Variants in LRRC37A2 observed in about 807,000 individuals in gnomAD.
The protein encoded by LRRC37A2 is leucine rich repeat containing 37 member A2.
LRRC37A2 carries 9 observed loss-of-function variants against 68.8 expected under a neutral mutation model. The observed-to-expected ratio is 0.13, with a 90% CI of 0.08 to 0.23. The LOEUF (loss-of-function observed/expected upper bound fraction) is 0.23, where lower values mean the gene tolerates loss of function less well. Ranked by LOEUF, LRRC37A2 falls within the 10% of genes least tolerant of loss-of-function variation. The pLI, the probability that LRRC37A2 is intolerant of heterozygous loss-of-function variation, is 1.00. For synonymous variants in LRRC37A2, 63 were observed against 367.6 expected (o/e 0.17, Z 9.48); for missense variants, 168 against 950.4 (o/e 0.18, Z 10.82).
At chr17:46,525,669 T>C (rs55947083) in intron 6 of LRRC37A2, among the ~76,000 whole-genome samples, 17,529 of 89,542 alleles carry the variant, frequency 0.2, 1,690 homozygotes, top group African/African-American at 0.29. Flanking sequence ...ACTACAATTA[T>C]GTAGGCAACA....
the LRRC37A2 span, among the ~76,000 whole-genome samples, chr17:46,999,943 G>A: frequency 1.3e-5 from 2 of 148,864 alleles, no homozygotes; most frequent in Non-Finnish European, 3.0e-5. Flanking sequence ...AGGTTGCAGT[G>A]GGCTGAGATC....
At chr17:46,728,794 G>A in the LRRC37A2 span, 3 of 1,056,292 alleles carry the variant, frequency 2.8e-6, no homozygotes, top group Non-Finnish European at 4.1e-6. Context: ...AACAAAAACT[G>A]AATGTTTGGA....
At chr17:46,906,961 T>C in the LRRC37A2 span, among the ~76,000 whole-genome samples, 1 of 152,156 alleles carries the variant, frequency 6.6e-6, no homozygotes, top group Non-Finnish European at 1.5e-5. Flanking sequence ...CATTTAGTCG[T>C]CACAAAAAAC....
the LRRC37A2 span, among the ~76,000 whole-genome samples, chr17:47,031,225 T>C: frequency 1.3e-5 from 2 of 148,904 alleles, no homozygotes; most frequent in East Asian, 4.1e-4. Flanking sequence ...TGGACTTAAC[T>C]GGATTCTGCT....
the LRRC37A2 span, among the ~76,000 whole-genome samples, chr17:46,944,624 T>C: frequency 5.0e-4 from 71 of 140,912 alleles, no homozygotes; most frequent in African/African-American, 1.7e-3. Context: ...TTTTTTTTTT[T>C]CCTCTCATTC....
chr17:46,994,719 C>T, the LRRC37A2 span, among the ~76,000 whole-genome samples: 1 of 152,018 alleles, frequency 6.6e-6, no homozygotes, highest in South Asian at 2.1e-4. Flanking sequence ...AAGCAGTTGT[C>T]GGCCTCTGAG....
the LRRC37A2 span, chr17:46,875,190 C>T: frequency 1.2e-5 from 19 of 1,614,106 alleles, no homozygotes; most frequent in South Asian, 2.2e-5. Context: ...GCGCATGGAG[C>T]GCTGCACCTG....
At chr17:46,704,763 G>A in the LRRC37A2 span, 195 of 1,605,496 alleles carry the variant, frequency 1.2e-4, no homozygotes, top group Non-Finnish European at 1.6e-4. Flanking sequence ...TCTTAGGCCA[G>A]TACTAAAGTG....
intron 6 of LRRC37A2, among the ~76,000 whole-genome samples, chr17:46,532,520 C>G (rs2053839728): frequency 6.8e-6 from 1 of 146,392 alleles, no homozygotes; most frequent in Admixed American, 6.7e-5. Flanking sequence ...TTGGTAGATT[C>G]ACCAGTGAGG....
chr17:46,969,377 G>A, the LRRC37A2 span, among the ~76,000 whole-genome samples: 1 of 152,190 alleles, frequency 6.6e-6, no homozygotes, highest in Non-Finnish European at 1.5e-5. Context: ...TGGGCCAGGT[G>A]GCAGAGTGGC....
the LRRC37A2 span, among the ~76,000 whole-genome samples, chr17:46,575,028 G>A: frequency 5.1e-5 from 4 of 78,750 alleles, no homozygotes; most frequent in East Asian, 4.7e-4. Flanking sequence ...CCCAGGAGGC[G>A]GAGGTTGTAG....
the LRRC37A2 span, among the ~76,000 whole-genome samples, chr17:46,491,677 T>TG: frequency 6.1e-4 from 87 of 142,754 alleles, no homozygotes; most frequent in African/African-American, 2.4e-3. Context: ...AGATATTTAA[T>TG]GGTTAACTGT....
chr17:46,992,093 G>T, the LRRC37A2 span, among the ~76,000 whole-genome samples: 2 of 152,170 alleles, frequency 1.3e-5, no homozygotes, highest in African/African-American at 4.8e-5. Flanking sequence ...GGGCATGGTG[G>T]CTCATGCCTG....
the LRRC37A2 span, among the ~76,000 whole-genome samples, chr17:46,727,760 G>A: frequency 4.6e-5 from 7 of 152,156 alleles, no homozygotes; most frequent in African/African-American, 1.2e-4. Context: ...CAATTGAGGT[G>A]TGTGGTCATA....
At chr17:46,787,085 A>G in the LRRC37A2 span, among the ~76,000 whole-genome samples, 2 of 151,982 alleles carry the variant, frequency 1.3e-5, no homozygotes, top group African/African-American at 4.8e-5. Context: ...CTACAGGCAC[A>G]TGCCACTATG....
the LRRC37A2 span, among the ~76,000 whole-genome samples, chr17:46,989,163 A>G: frequency 2.0e-5 from 3 of 152,202 alleles, no homozygotes; most frequent in Non-Finnish European, 4.4e-5. Context: ...TAGGCATGCT[A>G]GTCAGATGCC....
chr17:46,952,810 A>G, the LRRC37A2 span: 3 of 152,292 alleles, frequency 2.0e-5, no homozygotes, highest in East Asian at 3.9e-4. Flanking sequence ...GAGCCAATCA[A>G]TAAATCCTTT....
the LRRC37A2 span, among the ~76,000 whole-genome samples, chr17:46,934,521 C>CA: frequency 1.9e-4 from 28 of 149,418 alleles, no homozygotes; most frequent in African/African-American, 3.2e-4. Context: ...AACCCTGTCT[C>CA]AAAAAAAAAG....
chr17:46,934,901 G>T, the LRRC37A2 span: 6 of 816,850 alleles, frequency 7.3e-6, no homozygotes, highest in Non-Finnish European at 1.3e-5. Flanking sequence ...TTATCCATTA[G>T]GGTCCGCTGA....
Sources: allele counts gnomAD v4.1 joint callset (sites outside exome capture counted in the v4.1 genomes callset), GRCh38; gene constraint gnomAD v4.1.1; transcripts MANE v1.5; gene names NCBI Gene and HGNC (gene_info 2026-07-23, HGNC 2026-07-21).